The following MTA3 variants were observed in gnomAD, a reference collection of about 807,000 sequenced individuals.
The protein encoded by MTA3 is metastasis-associated protein MTA3.
Under a neutral mutation model 83.5 loss-of-function variants are expected in MTA3, and 34 were observed. The ratio of observed to expected loss-of-function variants is 0.41; its 90% CI spans 0.31 to 0.54. The LOEUF is 0.54. Ranked by LOEUF, MTA3 falls within the 20% of genes least tolerant of loss-of-function variation. MTA3 has a pLI of 0.33. For synonymous variants in MTA3, 303 were observed against 252.7 expected, an observed-to-expected ratio of 1.20 and a Z score of -1.89; for missense variants, 761 against 726.4, an observed-to-expected ratio of 1.05 and a Z score of -0.55.
chr2:42,614,808 C>T (rs1052546256), intron 4 of MTA3, among the ~76,000 whole-genome samples: 3 of 151,830 alleles, frequency 2.0e-5, no homozygotes, highest in Non-Finnish European at 4.4e-5. Context: ...CACCCTGTCT[C>T]TATAAATAAT....
At chr2:42,639,364 A>G (rs562185788) in intron 4 of MTA3, among the ~76,000 whole-genome samples, 13 of 152,288 alleles carry the variant, frequency 8.5e-5, no homozygotes, top group African/African-American at 3.1e-4. Context: ...CCTGACCAGT[A>G]TTTGTAACTT....
chr2:42,649,013 G>T (rs1573469057), intron 6 of MTA3, among the ~76,000 whole-genome samples: 2 of 152,252 alleles, frequency 1.3e-5, no homozygotes, highest in East Asian at 3.9e-4. Flanking sequence ...TCGTTGCGAT[G>T]AGCAAATGAG....
intron 4 of MTA3, among the ~76,000 whole-genome samples, chr2:42,628,826 G>T (rs1686389895): frequency 6.7e-6 from 1 of 149,812 alleles, no homozygotes; most frequent in South Asian, 2.1e-4. Flanking sequence ...GTGTTTGAAG[G>T]GAAATTTTTC....
chr2:42,618,715 C>T (rs1370226827), intron 4 of MTA3, among the ~76,000 whole-genome samples: 2 of 152,140 alleles, frequency 1.3e-5, no homozygotes, highest in Non-Finnish European at 2.9e-5. Context: ...TCAAGTGATC[C>T]TCCTGCCTCA....
intron 4 of MTA3, among the ~76,000 whole-genome samples, chr2:42,623,241 C>T (rs1573348419): frequency 6.6e-6 from 1 of 152,310 alleles, no homozygotes; most frequent in Non-Finnish European, 1.5e-5. Flanking sequence ...TGGATCCTGG[C>T]GTGTGCCTTG....
chr2:42,558,972 C>A (rs549767999), intron 2 of MTA3, among the ~76,000 whole-genome samples: 2 of 152,106 alleles, frequency 1.3e-5, no homozygotes, highest in Non-Finnish European at 2.9e-5. Flanking sequence ...AGAGAACCAA[C>A]CTTTGCTCTC....
chr2:42,527,969 T>C (rs1675795241), intron 2 of MTA3, among the ~76,000 whole-genome samples: 1 of 152,198 alleles, frequency 6.6e-6, no homozygotes, highest in African/African-American at 2.4e-5. Context: ...TCACCCAGAC[T>C]GGACCAGTAC....
At position 42,724,277 on chromosome 2, in the gene MTA3, A is replaced by ACACACACACACACACACAC. The variant is rs1553396461; in HGVS notation, c.1759+1242_1759+1243insCACACACACACACACACAC. On this transcript the variant is annotated intron_variant, in intron 16 of 16. Coordinates refer to ENST00000405094, the MANE Select transcript of MTA3 (RefSeq NM_001330442.2). Reference sequence around the variant, plus strand: ...AGAAGGTATAAAGTAAGTCCTGAAAAACACACACACACACACACACACACA... The same window carrying ACACACACACACACACACAC: ...AGAAGGTATAAAGTAAGTCCTGAAAACACACACACACACACACACACACACACACACACACACACACACA... Among the ~76,000 whole-genome samples the ACACACACACACACACACAC allele has an allele frequency of 8.9e-4, 65 of 73,172 alleles. 1 individual carries two copies. Among genetic ancestry groups the ACACACACACACACACACAC allele is most frequent in the African/African-American group, 2.8e-3 (46 of 16,440 alleles). 48.0% of individuals were successfully genotyped at this position (73,172 alleles called of 152,430 possible). A position where few individuals can be genotyped will look rare whatever the true frequency, so the allele number is the denominator to read the frequency against.
chr2:42,555,797 C>T (rs574991632), intron 2 of MTA3, among the ~76,000 whole-genome samples: 1 of 150,932 alleles, frequency 6.6e-6, no homozygotes, highest in East Asian at 2.0e-4. Flanking sequence ...AAAGGCCAGG[C>T]ACGGTGGCTC....
At chr2:42,589,858 C>A (rs777616348) in intron 3 of MTA3, among the ~76,000 whole-genome samples, 48 of 152,166 alleles carry the variant, frequency 3.2e-4, no homozygotes, top group Non-Finnish European at 5.7e-4. Context: ...TCTCTTTTGT[C>A]ACCAATGGTC....
chr2:42,619,312 TC>T lies in MTA3; in HGVS notation c.317+9729del, dbSNP rs1172715029. ...CACTGTTTTGGAATAGACAAAGATT[TC>T]TTAAGATTGTGAAGATATTCTCAAG... On this transcript the variant is annotated intron_variant, in intron 4 of 16. Coordinates refer to ENST00000405094, the MANE Select transcript of MTA3 (RefSeq NM_001330442.2). 2.6e-5 allele frequency among the ~76,000 whole-genome samples: 4 copies of T among 152,316 alleles called. No individual in the cohort carries two copies. The East Asian group carries it at 7.7e-4, about 29-fold the overall frequency.
rs185728554 is a variant in MTA3, at chr2:42,573,791, G to A, written c.96+3287G>A. Among the ~76,000 whole-genome samples, 255 of 152,104 alleles carry A rather than the reference G, an allele frequency of 1.7e-3. 1 individual carries two copies. Among genetic ancestry groups the A allele is most frequent in the African/African-American group, 5.9e-3 (245 of 41,522 alleles). On this transcript the variant is annotated intron_variant, in intron 2 of 16. Transcript: ENST00000405094. ...CTCCCAAAGTGCTGAGATTACAGGC[G>A]TGAGCCACTGCCCCAGCATTTTCTT...
intron 3 of MTA3, among the ~76,000 whole-genome samples, chr2:42,584,266 C>T (rs6544568): frequency 0.73 from 111,469 of 152,030 alleles, 41,055 homozygotes; most frequent in South Asian, 0.88. Context: ...ACATGATCAA[C>T]TGTGATTCAT....
chr2:42,619,384 C>T (rs917151044), intron 4 of MTA3, among the ~76,000 whole-genome samples: 3 of 152,132 alleles, frequency 2.0e-5, no homozygotes, highest in African/African-American at 7.2e-5. Flanking sequence ...GTATCTTAGT[C>T]AGTTTTACTC....
At chr2:42,532,916 A>G in intron 2 of MTA3, 1 of 273,444 alleles carries the variant, frequency 3.7e-6, no homozygotes, top group East Asian at 9.9e-5. Flanking sequence ...ATTTTCCTTC[A>G]CGCGCTTCAG....
chr2:42,583,133 C>A (rs1331987756), intron 3 of MTA3, among the ~76,000 whole-genome samples: 1 of 152,152 alleles, frequency 6.6e-6, no homozygotes, highest in Non-Finnish European at 1.5e-5. Flanking sequence ...TAAGGAACAA[C>A]TCATAATGGG....
chr2:42,553,015 A>T (rs1385822921), intron 2 of MTA3, among the ~76,000 whole-genome samples: 1 of 151,868 alleles, frequency 6.6e-6, no homozygotes, highest in African/African-American at 2.4e-5. Flanking sequence ...GATGGCTCAC[A>T]CCTATAATCC....
chr2:42,712,713 G>A (rs1666726222), intron 14 of MTA3: 1 of 152,062 alleles, frequency 6.6e-6, no homozygotes, highest in African/African-American at 2.4e-5. Context: ...CCAACAGCAA[G>A]GTTATAAAAT....
At chr2:42,592,604 T>A (rs745842138) in intron 3 of MTA3, among the ~76,000 whole-genome samples, 19 of 152,258 alleles carry the variant, frequency 1.2e-4, no homozygotes, top group Admixed American at 2.6e-4. Flanking sequence ...ATTTTCACTT[T>A]TTAAACTTTT....
Sources: gnomAD v4.1 joint callset for allele counts (sites outside exome capture counted in the v4.1 genomes callset) on GRCh38, gnomAD v4.1.1 for gene constraint, MANE v1.5 for transcripts, NCBI Gene and HGNC (gene_info 2026-07-23, HGNC 2026-07-21) for gene names.